PRDM16: variants seen among roughly 807,000 people sequenced by gnomAD.
PRDM16 encodes the protein histone-lysine N-methyltransferase PRDM16.
A neutral mutation model predicts 110.6 loss-of-function variants in PRDM16; 23 were observed. The ratio of observed to expected loss-of-function variants is 0.21; its 90% confidence interval spans 0.15 to 0.29. The LOEUF (loss-of-function observed/expected upper bound fraction) is 0.29. Among genes scored for constraint, PRDM16 ranks in the 10% least tolerant of loss-of-function variants. The pLI, the probability that PRDM16 is intolerant of heterozygous loss-of-function variation, is 1.00. For synonymous variants in PRDM16, 799 were observed against 781.8 expected (o/e 1.02, Z -0.37); for missense variants, 1,615 against 1,794.3 (o/e 0.90, Z 1.81).
intron 12 of PRDM16, among the ~76,000 whole-genome samples, chr1:3,421,150 T>C (rs183297312): frequency 6.3e-4 from 96 of 152,346 alleles, no homozygotes; most frequent in African/African-American, 2.3e-3. Context: ...CTCTTCTTTC[T>C]TCCTCTTCCC....
chr1:3,289,506 C>G (rs145649719), intron 3 of PRDM16, among the ~76,000 whole-genome samples: 129 of 152,370 alleles, frequency 8.5e-4, no homozygotes, highest in Non-Finnish European at 1.4e-3. Flanking sequence ...CTCACCCACA[C>G]TGGTGCCCAC....
intron 14 of PRDM16, among the ~76,000 whole-genome samples, chr1:3,429,646 C>T (rs1638711399): frequency 6.6e-6 from 1 of 152,246 alleles, no homozygotes; most frequent in Non-Finnish European, 1.5e-5. Context: ...CCCAGCAGCT[C>T]CGTGGCTGAG....
chr1:3,287,315 C>T (rs201768752), intron 3 of PRDM16, among the ~76,000 whole-genome samples: 63 of 127,174 alleles, frequency 5.0e-4, no homozygotes, highest in African/African-American at 1.3e-3. Flanking sequence ...GGGCTGGAGC[C>T]GCCCCGCCAC....
intron 3 of PRDM16, among the ~76,000 whole-genome samples, chr1:3,336,416 CTG>C (rs917641132): frequency 8.0e-5 from 12 of 149,462 alleles, no homozygotes; most frequent in Non-Finnish European, 4.5e-5. Context: ...GTTGGTGTGT[CTG>C]TGCATGTGTG....
At chr1:3,088,676 C>T (rs929841465) in intron 1 of PRDM16, among the ~76,000 whole-genome samples, 14 of 151,342 alleles carry the variant, frequency 9.3e-5, no homozygotes, top group African/African-American at 3.4e-4. Context: ...CCGTGTTAGC[C>T]AGGATGGTCT....
intron 2 of PRDM16, among the ~76,000 whole-genome samples, chr1:3,241,567 AGCATCCGTCTCT>A (rs935419293): frequency 1.3e-5 from 2 of 152,136 alleles, no homozygotes; most frequent in African/African-American, 4.8e-5. Flanking sequence ...CCGGTGTTGG[AGCATCCGTCTCT>A]GCGTCCCCAC....
At chr1:3,183,728 G>A (rs977743902) in intron 1 of PRDM16, among the ~76,000 whole-genome samples, 1 of 152,190 alleles carries the variant, frequency 6.6e-6, no homozygotes, top group Admixed American at 6.5e-5. Context: ...AGGGGTTTTG[G>A]GAAGTAGAAT....
intron 6 of PRDM16, among the ~76,000 whole-genome samples, chr1:3,404,043 T>A (rs1171634459): frequency 6.6e-6 from 1 of 152,228 alleles, no homozygotes; most frequent in Non-Finnish European, 1.5e-5. Context: ...GGGGAAAAGA[T>A]ACAGTCTCCT....
intron 2 of PRDM16, among the ~76,000 whole-genome samples, chr1:3,237,683 C>T (rs887514010): frequency 1.3e-5 from 2 of 152,202 alleles, no homozygotes; most frequent in Admixed American, 6.5e-5. Flanking sequence ...GGGAGATGCG[C>T]GCGGGGCCAG....
chr1:3,103,496 G>A (rs1028070308), intron 1 of PRDM16, among the ~76,000 whole-genome samples: 9 of 152,196 alleles, frequency 5.9e-5, no homozygotes, highest in Non-Finnish European at 1.0e-4. Flanking sequence ...TCGAAATGTC[G>A]TGTTGACTGG....
At chr1:3,200,327 T>C (rs548212001) in intron 2 of PRDM16, among the ~76,000 whole-genome samples, 1 of 151,150 alleles carries the variant, frequency 6.6e-6, no homozygotes, top group Non-Finnish European at 1.5e-5. Flanking sequence ...TCCTTTAGGC[T>C]TAAGGTGGAT....
At chr1:3,076,011 A>G (rs1329608726) in intron 1 of PRDM16, among the ~76,000 whole-genome samples, 3 of 152,128 alleles carry the variant, frequency 2.0e-5, no homozygotes, top group African/African-American at 7.2e-5. Flanking sequence ...TGGGGTGCCC[A>G]CTTCAAATGT....
chr1:3,372,119 C>G (rs80169542), intron 3 of PRDM16, among the ~76,000 whole-genome samples: 6,991 of 152,344 alleles, frequency 0.046, 500 homozygotes, highest in African/African-American at 0.16. Flanking sequence ...AGCCTCTGCA[C>G]AGCTCTTACT....
intron 3 of PRDM16, among the ~76,000 whole-genome samples, chr1:3,299,260 G>A (rs111515000): frequency 1.2e-3 from 184 of 148,728 alleles, no homozygotes; most frequent in Middle Eastern, 0.011. Context: ...GATCCCAGTC[G>A]TGGTGGCTCT....
At chr1:3,216,716 CAG>C (rs1374527310) in intron 2 of PRDM16, among the ~76,000 whole-genome samples, 5 of 152,254 alleles carry the variant, frequency 3.3e-5, no homozygotes, top group African/African-American at 9.6e-5. Flanking sequence ...CTCACGAAAT[CAG>C]AGAGTCTAGG....
In PRDM16 at chr1:3,246,018, G is replaced by T. The variant is rs1430433024; in HGVS notation, c.438+1881G>T. ...AGTTTATGCTGGGAGGGGTTGCTTG[G>T]TCTAGGAACAGGGGTCAAGTCAGAA... is the stretch of plus-strand genomic sequence containing the variant. On this transcript the variant is annotated intron_variant, in intron 3 of 16. Coordinates refer to ENST00000270722, the MANE Select transcript of PRDM16 (RefSeq NM_022114.4). This position sits in a 1 kb window ranked among gnomAD's most constrained non-coding sequence, Gnocchi z 5.2. 6.6e-6 allele frequency among the ~76,000 whole-genome samples: 1 copy of T among 152,118 alleles called. No individual in the cohort carries two copies. Among genetic ancestry groups the T allele is most frequent in the Non-Finnish European group, 1.5e-5 (1 of 68,018 alleles).
intron 1 of PRDM16, among the ~76,000 whole-genome samples, chr1:3,145,812 T>C (rs1174995010): frequency 1.3e-5 from 2 of 152,152 alleles, no homozygotes; most frequent in Non-Finnish European, 1.5e-5. Context: ...GTGCAATTTA[T>C]CTAGTCGGGG....
At chr1:3,181,807 CGGTCTT>C (rs1644207084) in intron 1 of PRDM16, among the ~76,000 whole-genome samples, 1 of 141,930 alleles carries the variant, frequency 7.0e-6, no homozygotes, top group African/African-American at 2.7e-5. Flanking sequence ...GTCTTACACA[CGGTCTT>C]ACACATGCGG....
At chr1:3,376,305 C>T (rs892450032) in intron 3 of PRDM16, among the ~76,000 whole-genome samples, 3 of 152,176 alleles carry the variant, frequency 2.0e-5, no homozygotes, top group African/African-American at 7.2e-5. Flanking sequence ...CTTTTTCTAG[C>T]GCGTTGCATT....
Sources: gnomAD v4.1 joint callset for allele counts (sites outside exome capture counted in the v4.1 genomes callset) on GRCh38, gnomAD v4.1.1 for gene constraint, Gnocchi (gnomAD v3.1) non-coding constraint, MANE v1.5 for transcripts, NCBI Gene and HGNC (gene_info 2026-07-23, HGNC 2026-07-21) for gene names.